The following ENOX2 variants were observed in gnomAD, a reference collection of about 807,000 sequenced individuals.
ENOX2 encodes APK1 antigen.
Under a neutral mutation model 45.0 loss-of-function variants are expected in ENOX2, and 36 were observed. The observed-to-expected ratio is 0.80, with a 90% CI of 0.61 to 1.06. The LOEUF (loss-of-function observed/expected upper bound fraction) is 1.06, where lower values mean the gene tolerates loss of function less well. ENOX2 is among the 50% of genes least tolerant of loss of function. The pLI is 0.00. For missense variants in ENOX2, 423 were observed against 462.5 expected, an observed-to-expected ratio of 0.91 and a Z score of 0.78; for synonymous variants, 174 against 152.3, an observed-to-expected ratio of 1.14 and a Z score of -1.05.
intron 2 of ENOX2, among the ~76,000 whole-genome samples, chrX:130,898,012 C>CT (rs1307955738): frequency 8.8e-4 from 92 of 104,700 alleles, no homozygotes; most frequent in East Asian, 1.2e-3. Flanking sequence ...TTTAAAATAA[C>CT]TTTTTTTTTT....
At chrX:130,662,831 G>A (rs760096678) in intron 9 of ENOX2, among the ~76,000 whole-genome samples, 1 of 112,426 alleles carries the variant, frequency 8.9e-6, no homozygotes, top group Non-Finnish European at 1.9e-5. Context: ...TACTGAACAA[G>A]ATTTGAGATA....
At chrX:130,642,467 T>C (rs886703404) in intron 10 of ENOX2, among the ~76,000 whole-genome samples, 19 of 112,519 alleles carry the variant, frequency 1.7e-4, no homozygotes, top group African/African-American at 6.1e-4. Context: ...AAAAAGGATT[T>C]AGAATATTTC....
At chrX:130,673,166 C>A (rs2037034391) in intron 6 of ENOX2, among the ~76,000 whole-genome samples, 2 of 111,523 alleles carry the variant, frequency 1.8e-5, no homozygotes, top group African/African-American at 6.5e-5. Context: ...AGGACCCTAC[C>A]CAACATACGC....
At chrX:130,815,238 T>C (rs909567131) in intron 2 of ENOX2, among the ~76,000 whole-genome samples, 1 of 111,668 alleles carries the variant, frequency 9.0e-6, no homozygotes, top group Non-Finnish European at 1.9e-5. Flanking sequence ...CCAAGAAATA[T>C]GGGACTATGT....
intron 3 of ENOX2, among the ~76,000 whole-genome samples, chrX:130,704,894 T>C (rs921094355): frequency 3.6e-5 from 4 of 111,950 alleles, no homozygotes; most frequent in African/African-American, 1.3e-4. Context: ...GTAGGAACTT[T>C]AGTAGTTATA....
rs144882643 is a variant in ENOX2 at position 130,808,479 on chromosome X, G to A, written c.-182-24789C>T. Among the ~76,000 whole-genome samples, 705 of 111,830 alleles carry A rather than the reference G, an allele frequency of 6.3e-3. 17 individuals carry two copies. In the East Asian group the frequency reaches 0.085, roughly 13 times the overall value. On this transcript the variant is annotated intron_variant, in intron 2 of 14. Coordinates refer to ENST00000394363, the MANE Select transcript of ENOX2 (RefSeq NM_006375.4). ...ATAGGTGAGTTGTGTATGTGAATGG[G>A]TTAGAAGGTATTACTGGTAATTGAA...
At chrX:130,754,562 A>C (rs2039305961) in intron 3 of ENOX2, among the ~76,000 whole-genome samples, 1 of 111,993 alleles carries the variant, frequency 8.9e-6, no homozygotes, top group Non-Finnish European at 1.9e-5. Context: ...AGCCATAAAA[A>C]AGAACAAAAT....
Position 130,810,320 on chromosome X carries a change from CTCAG to C in ENOX2, c.-182-26634_-182-26631del, listed in dbSNP as rs1377591882. Among the ~76,000 whole-genome samples the C allele has an allele frequency of 7.2e-4, 80 of 111,112 alleles. 2 individuals are homozygous for C. The highest frequency in any genetic ancestry group is 2.5e-3 in the African/African-American group (76 of 30,559). Reference sequence around the variant, plus strand: ...TCAATATCCAGCCACGACATGTAGACTCAGTCTCCAGGTCCACCGCAGGGCTAGG... The same window carrying C: ...TCAATATCCAGCCACGACATGTAGACTCTCCAGGTCCACCGCAGGGCTAGG... On this transcript the variant is annotated intron_variant, in intron 2 of 14. Transcript: ENST00000394363.
At chrX:130,678,290 T>C (rs1057311975) in intron 6 of ENOX2, among the ~76,000 whole-genome samples, 12 of 111,173 alleles carry the variant, frequency 1.1e-4, no homozygotes, top group African/African-American at 3.9e-4. Flanking sequence ...TTAACTTAGT[T>C]CCCAGTCACC....
chrX:130,729,659 T>A (rs1381396982), intron 3 of ENOX2, among the ~76,000 whole-genome samples: 1 of 112,035 alleles, frequency 8.9e-6, no homozygotes, highest in Non-Finnish European at 1.9e-5. Context: ...ATGCTCCCTA[T>A]CATAATACAA....
In ENOX2 at chrX:130,624,835, G is replaced by C. The variant is rs768546280; in HGVS notation, c.*479C>G. 2.7e-5 allele frequency: 3 copies of C among 112,658 alleles called. No individual in the cohort carries two copies. Among genetic ancestry groups the C allele is most frequent in the Non-Finnish European group, 3.7e-5 (2 of 53,559 alleles). 9.3% of individuals were successfully genotyped at this position (112,658 alleles called of 1,213,427 possible). A position where few individuals can be genotyped will look rare whatever the true frequency, so the allele number is the denominator to read the frequency against. On this transcript the variant is annotated 3_prime_UTR_variant, in exon 15 of 15. Coordinates refer to ENST00000394363, the MANE Select transcript of ENOX2 (RefSeq NM_006375.4). ...GACACTGATGTGTTATTTATTTACT[G>C]GTCTACTGGGGATTGGAAAGACAAT...
intron 2 of ENOX2, among the ~76,000 whole-genome samples, chrX:130,840,778 G>A (rs1027261125): frequency 8.1e-5 from 9 of 110,732 alleles, no homozygotes; most frequent in Middle Eastern, 4.6e-3. Flanking sequence ...GAGGTAGAAG[G>A]ATTGCTTGAG....
At chrX:130,820,794 C>T (rs1413018580) in intron 2 of ENOX2, among the ~76,000 whole-genome samples, 1 of 111,612 alleles carries the variant, frequency 9.0e-6, no homozygotes, top group Non-Finnish European at 1.9e-5. Context: ...TGGTGGTTAC[C>T]AGGAAGTGGT....
Position 130,692,721 on chromosome X carries a change from C to T in ENOX2, c.98-3703G>A, listed in dbSNP as rs892779228. On this transcript the variant is annotated intron_variant, in intron 4 of 14. Coordinates refer to ENST00000394363, the MANE Select transcript of ENOX2 (RefSeq NM_006375.4). ...TCAGCCTCCCTAGTAGCTGGGATTA[C>T]AGGCATGCGCTACCATACCCGGCTA... Among the ~76,000 whole-genome samples the T allele has an allele frequency of 7.3e-5, 8 of 109,302 alleles. No homozygotes were observed. In the East Asian group the frequency reaches 1.4e-3, roughly 20 times the overall value. The allele number at this position is 109,302 out of a possible 115,157, so 94.9% of individuals were successfully genotyped here.
intron 13 of ENOX2, 77 bp from the exon 14 acceptor site, chrX:130,628,120 G>A (rs1031401585): frequency 3.0e-6 from 2 of 659,503 alleles, no homozygotes; most frequent in Non-Finnish European, 5.1e-6. Context: ...AATAGCAAGA[G>A]CTGACTCATA....
In ENOX2 at chrX:130,858,232, C is replaced by T. The variant is rs754035339; in HGVS notation, c.-183+43452G>A. The stretch of plus-strand genomic sequence containing the variant: ...CCGGGTTCAAGCGATTCTCCTGCCT[C>T]AGCCTCCCAAGTAGCTGAGATTACA... On this transcript the variant is annotated intron_variant, in intron 2 of 14. Transcript: ENST00000394363. Among the ~76,000 whole-genome samples, 5 of 109,210 alleles carry T rather than the reference C, an allele frequency of 4.6e-5. No individual in the cohort carries two copies. In the East Asian group the frequency reaches 1.4e-3, roughly 31 times the overall value. The allele number at this position is 109,210 out of a possible 115,157, so 94.8% of individuals were successfully genotyped here. A position where few individuals can be genotyped will look rare whatever the true frequency, so the allele number is the denominator to read the frequency against.
chrX:130,634,102 G>T (rs1013911075), intron 12 of ENOX2, among the ~76,000 whole-genome samples: 4 of 111,926 alleles, frequency 3.6e-5, no homozygotes, highest in African/African-American at 1.3e-4. Flanking sequence ...ACACACTCAG[G>T]GCCTGTATGC....
rs1165234164 is a variant in ENOX2, at chrX:130,772,058, C to T, written c.-39+11489G>A. On this transcript the variant is annotated intron_variant, in intron 3 of 14. Transcript: ENST00000394363. Reference sequence around the variant, plus strand: ...CTTGCTCCAATCAAGGCAGAAAATACTTCTGGGCAGTCTGAGCTGCAAGAC... The same window carrying T: ...CTTGCTCCAATCAAGGCAGAAAATATTTCTGGGCAGTCTGAGCTGCAAGAC... Among the ~76,000 whole-genome samples, 3 of 112,384 alleles carry T rather than the reference C, an allele frequency of 2.7e-5. No individual in the cohort carries two copies. The East Asian group carries it at 8.4e-4, about 32-fold the overall frequency.
At chrX:130,765,975 C>T (rs770559906) in intron 3 of ENOX2, among the ~76,000 whole-genome samples, 71 of 110,758 alleles carry the variant, frequency 6.4e-4, no homozygotes, top group African/African-American at 2.2e-3. Context: ...GAGTGTCTAT[C>T]TATATTCTCA....
Sources: gnomAD v4.1 joint callset for allele counts (sites outside exome capture counted in the v4.1 genomes callset) on GRCh38, gnomAD v4.1.1 for gene constraint, MANE v1.5 for transcripts, NCBI Gene and HGNC (gene_info 2026-07-23, HGNC 2026-07-21) for gene names.